The following LPP variants were observed in gnomAD, a reference collection of about 807,000 sequenced individuals.
LPP encodes lipoma-preferred partner.
LPP carries 38 observed loss-of-function variants against 60.4 expected under a neutral mutation model. That is an observed-to-expected ratio of 0.63 (90% CI 0.49 to 0.83). The LOEUF is 0.83. Among genes scored for constraint, LPP ranks in the 40% least tolerant of loss-of-function variants. The pLI, the probability that LPP is intolerant of heterozygous loss-of-function variation, is 0.00. For synonymous variants in LPP, 328 were observed against 290.8 expected (o/e 1.13, Z -1.30); for missense variants, 902 against 783.6 (o/e 1.15, Z -1.80).
chr3:188,551,798 T>C (rs970710547), intron 6 of LPP, among the ~76,000 whole-genome samples: 7 of 152,144 alleles, frequency 4.6e-5, no homozygotes, highest in East Asian at 1.9e-4. Context: ...CATTCACTAA[T>C]GTAGGTTGGA....
At chr3:188,334,296 A>G (rs1760975128) in intron 2 of LPP, among the ~76,000 whole-genome samples, 1 of 149,854 alleles carries the variant, frequency 6.7e-6, no homozygotes, top group South Asian at 2.1e-4. Context: ...TTGATTCCTT[A>G]TCTTGGCTGT....
intron 1 of LPP, among the ~76,000 whole-genome samples, chr3:188,192,190 G>A (rs1728363719): frequency 6.6e-6 from 1 of 152,244 alleles, no homozygotes; most frequent in Non-Finnish European, 1.5e-5. Context: ...CACAGAGGAG[G>A]TAGCGATTAG....
At chr3:188,162,386 A>G (rs921311431) in intron 1 of LPP, among the ~76,000 whole-genome samples, 6 of 152,202 alleles carry the variant, frequency 3.9e-5, no homozygotes, top group Non-Finnish European at 8.8e-5. Context: ...GCAAATGAGC[A>G]TAGTTGATGT....
intron 2 of LPP, among the ~76,000 whole-genome samples, chr3:188,300,935 T>G (rs1263846607): frequency 2.0e-5 from 3 of 152,202 alleles, no homozygotes; most frequent in Non-Finnish European, 4.4e-5. Context: ...GAGGAGATTT[T>G]TCTACTATTT....
chr3:188,552,812 T>C (rs1828508413), intron 6 of LPP, among the ~76,000 whole-genome samples: 1 of 152,218 alleles, frequency 6.6e-6, no homozygotes, highest in Non-Finnish European at 1.5e-5. Flanking sequence ...TGTCTCAAAA[T>C]CTTTAACCTT....
At chr3:188,272,744 A>G (rs547645890) in intron 2 of LPP, among the ~76,000 whole-genome samples, 68 of 152,368 alleles carry the variant, frequency 4.5e-4, no homozygotes, top group African/African-American at 1.5e-3. Flanking sequence ...TCAAAAGCAT[A>G]AATTTTAATG....
intron 7 of LPP, among the ~76,000 whole-genome samples, chr3:188,636,105 C>T (rs1256609506): frequency 3.3e-5 from 5 of 152,230 alleles, no homozygotes; most frequent in South Asian, 2.1e-4. Context: ...GCCTGAGCGA[C>T]GCAGAAGGCG....
At chr3:188,644,453 T>A (rs1850735996) in intron 7 of LPP, among the ~76,000 whole-genome samples, 1 of 152,162 alleles carries the variant, frequency 6.6e-6, no homozygotes, top group African/African-American at 2.4e-5. Context: ...AATAAATTGA[T>A]ATGGGAAATG....
intron 7 of LPP, among the ~76,000 whole-genome samples, chr3:188,705,507 C>T (rs1314331174): frequency 6.6e-6 from 1 of 152,100 alleles, no homozygotes; most frequent in Non-Finnish European, 1.5e-5. Context: ...AAGCAAGTCA[C>T]ATGTATGCAA....
chr3:188,701,944 C>CTTTTTTTTTTTTTTTTTTTTTTTTTTTTT (rs35803152), intron 7 of LPP, among the ~76,000 whole-genome samples: 1 of 83,550 alleles, frequency 1.2e-5, no homozygotes, highest in Non-Finnish European at 2.1e-5. Context: ...GTTTTTTTCC[C>CTTTTTTTTTTTTTTTTTTTTTTTTTTTTT]TTTTTTTTTT....
chr3:188,245,655 C>CT (rs371005938), intron 2 of LPP, among the ~76,000 whole-genome samples: 15,057 of 147,062 alleles, frequency 0.1, 1,470 homozygotes, highest in African/African-American at 0.26. Context: ...TAACCCCACA[C>CT]TTTTTTTTTT....
At position 188,812,715 on chromosome 3, in the gene LPP, C is replaced by T. The variant is rs548235941; in HGVS notation, c.1410+52433C>T. Among the ~76,000 whole-genome samples, 3 of 151,974 alleles carry T rather than the reference C, an allele frequency of 2.0e-5. No homozygotes were observed. The East Asian group carries it at 5.8e-4, about 29-fold the overall frequency. ...CTAGAATGACATTTTTCCCTCATTCCTGGGTAATTTTTGAGATTTCCCCTC... is the reference window on the plus strand; with the variant it reads ...CTAGAATGACATTTTTCCCTCATTCTTGGGTAATTTTTGAGATTTCCCCTC... On this transcript the variant is annotated intron_variant, in intron 9 of 11. Transcript: ENST00000617246.
intron 4 of LPP, among the ~76,000 whole-genome samples, chr3:188,475,651 C>T (rs565420900): frequency 1.3e-5 from 2 of 152,262 alleles, no homozygotes; most frequent in African/African-American, 4.8e-5. Flanking sequence ...GCCTATAATC[C>T]CAGCACTTTG....
chr3:188,623,285 C>T (rs9817339), intron 7 of LPP, among the ~76,000 whole-genome samples: 51,320 of 144,068 alleles, frequency 0.36, 9,316 homozygotes, highest in South Asian at 0.54. Flanking sequence ...TGAAAGAGAG[C>T]GTCACTCTAT....
intron 2 of LPP, among the ~76,000 whole-genome samples, chr3:188,236,015 C>G (rs1721780055): frequency 6.6e-6 from 1 of 151,976 alleles, no homozygotes; most frequent in Admixed American, 6.5e-5. Context: ...GACTCATTAA[C>G]TCGAGCGTTT....
In LPP at chr3:188,609,353, G is replaced by C; in HGVS notation, c.622G>C (p.Ala208Pro). The C allele has an allele frequency of 6.2e-7, 1 of 1,614,046 alleles. No homozygotes were observed. The highest frequency in any genetic ancestry group is 8.5e-7 in the Non-Finnish European group (1 of 1,180,002). ...CAAACCCCAGCCTCAGCCAGTCCCAGCCTCCTACACCACGGCCTCCACTTC... is the reference window on the plus strand; with the variant it reads ...CAAACCCCAGCCTCAGCCAGTCCCACCCTCCTACACCACGGCCTCCACTTC... ...TLKPQPQPVP[A>P]SYTTASTSSR... The change falls in exon 7 of 12, where the codon GCC becomes CCC. Residue 208 changes from alanine (A) to proline (P), a missense_variant. By Grantham distance (27) the Ala-to-Pro change is conservative. Coordinates refer to ENST00000617246, the MANE Select transcript of LPP (RefSeq NM_001375462.1). The surrounding 1 kb of genome is among the most constrained non-coding windows in gnomAD (Gnocchi z 6.9).
chr3:188,375,624 C>T (rs950893195), intron 3 of LPP, among the ~76,000 whole-genome samples: 4 of 151,844 alleles, frequency 2.6e-5, no homozygotes, highest in African/African-American at 9.7e-5. Flanking sequence ...TGCTAGTGGT[C>T]TATCGGTTTT....
At chr3:188,616,080 G>T (rs1844793566) in intron 7 of LPP, among the ~76,000 whole-genome samples, 1 of 152,018 alleles carries the variant, frequency 6.6e-6, no homozygotes, top group Non-Finnish European at 1.5e-5. Flanking sequence ...AAGCTCTTTA[G>T]TTTAGTTACA....
chr3:188,558,676 T>C (rs1830023129), intron 6 of LPP, among the ~76,000 whole-genome samples: 1 of 152,098 alleles, frequency 6.6e-6, no homozygotes, highest in Admixed American at 6.6e-5. Context: ...ATATTCATTT[T>C]TTAAGAAAAA....
Sources: allele counts gnomAD v4.1 joint callset (sites outside exome capture counted in the v4.1 genomes callset), GRCh38; gene constraint gnomAD v4.1.1; non-coding constraint Gnocchi (gnomAD v3.1); transcripts MANE v1.5; gene names NCBI Gene and HGNC (gene_info 2026-07-23, HGNC 2026-07-21).